The following CSMD3 variants were observed in gnomAD, a reference collection of about 807,000 sequenced individuals.
CSMD3 encodes the protein CUB and sushi domain-containing protein 3.
Under a neutral mutation model 435.2 loss-of-function variants are expected in CSMD3, and 177 were observed. The observed-to-expected ratio is 0.41, with a 90% CI of 0.36 to 0.46. The LOEUF (loss-of-function observed/expected upper bound fraction) is 0.46. Ranked by LOEUF, CSMD3 falls within the 20% of genes least tolerant of loss-of-function variation. The pLI is 0.34. For synonymous variants in CSMD3, 1,656 were observed against 1,520.5 expected (o/e 1.09, Z -2.07); for missense variants, 4,265 against 4,504.6 (o/e 0.95, Z 1.52).
At chr8:113,394,159 T>TACAC (rs3080772) in intron 1 of CSMD3, among the ~76,000 whole-genome samples, 45,129 of 136,708 alleles carry the variant, frequency 0.33, 6,996 homozygotes, top group East Asian at 0.4. Context: ...TTTGTTGAAT[T>TACAC]ACACACACAC....
At chr8:112,256,085 A>C (rs967998238) in intron 61 of CSMD3, among the ~76,000 whole-genome samples, 1 of 152,164 alleles carries the variant, frequency 6.6e-6, no homozygotes, top group Admixed American at 6.6e-5. Flanking sequence ...CTTTCTAAAA[A>C]TTTTGATTAG....
intron 3 of CSMD3, among the ~76,000 whole-genome samples, chr8:113,235,412 G>A (rs1396748040): frequency 6.6e-6 from 1 of 152,066 alleles, no homozygotes; most frequent in Non-Finnish European, 1.5e-5. Flanking sequence ...CATAGTCATA[G>A]CCAGACCTTT....
At chr8:112,941,578 T>C (rs1023694240) in intron 9 of CSMD3, among the ~76,000 whole-genome samples, 4 of 151,768 alleles carry the variant, frequency 2.6e-5, no homozygotes, top group African/African-American at 9.7e-5. Context: ...GAAATATCTC[T>C]TTTATCCCTA....
At chr8:113,372,891 G>T (rs113251873) in intron 1 of CSMD3, among the ~76,000 whole-genome samples, 14,748 of 146,578 alleles carry the variant, frequency 0.1, 847 homozygotes, top group Middle Eastern at 0.18. Context: ...CCGAGATTGC[G>T]CCACTGCAGT....
rs1203991072 is a variant in CSMD3, at chr8:112,794,285, C to CTTTTTTT, written c.1972+5870_1972+5876dup. On this transcript the variant is annotated intron_variant, in intron 13 of 70. Coordinates refer to ENST00000297405, the MANE Select transcript of CSMD3 (RefSeq NM_198123.2). ...TTGCCCCAGATGCTGGACTGATAAA[C>CTTTTTTT]TTTTTTTTTTTTTTTTTTTTTTTTT... Among the ~76,000 whole-genome samples the CTTTTTTT allele has an allele frequency of 1.5e-4, 14 of 96,344 alleles. 3 individuals are homozygous for CTTTTTTT. The highest frequency in any genetic ancestry group is 3.9e-4 in the East Asian group (1 of 2,564). 63.2% of individuals were successfully genotyped at this position (96,344 alleles called of 152,430 possible).
Position 112,954,748 on chromosome 8 carries a change from T to C in CSMD3, c.1356A>G (p.Ile452Met). 5 of 1,579,148 alleles carry C rather than the reference T, an allele frequency of 3.2e-6. No homozygotes were observed. The highest frequency in any genetic ancestry group is 4.3e-6 in the Non-Finnish European group (5 of 1,150,144). Residue 452 changes from isoleucine to methionine, a missense_variant, in exon 8 of 71, where the codon ATA (isoleucine) becomes ATG (methionine). Physicochemically the swap from Ile to Met is conservative, Grantham distance 10. Coordinates refer to ENST00000297405, the MANE Select transcript of CSMD3 (RefSeq NM_198123.2). ...ATTTAAATCCTCTAGATTTAAAATC[T>C]ATGGCCTTTTTCACTAGTTAAGAAA... Reference protein sequence around the residue: ...AVVTHRVKKAIDFKSRGFKLF... With the variant: ...AVVTHRVKKAMDFKSRGFKLF...
chr8:112,400,472 T>G (rs1831226722), intron 35 of CSMD3, among the ~76,000 whole-genome samples: 1 of 152,140 alleles, frequency 6.6e-6, no homozygotes, highest in Non-Finnish European at 1.5e-5. Context: ...CTGTTCTTTA[T>G]CTAAAGACTC....
chr8:113,419,195 T>C (rs1400525708), intron 1 of CSMD3, among the ~76,000 whole-genome samples: 9 of 151,080 alleles, frequency 6.0e-5, no homozygotes, highest in Non-Finnish European at 1.3e-4. Flanking sequence ...CTTGGCTCAC[T>C]GCAAACTCCG....
chr8:112,864,092 C>T (rs540489310), intron 10 of CSMD3, among the ~76,000 whole-genome samples: 2 of 152,226 alleles, frequency 1.3e-5, no homozygotes, highest in East Asian at 3.9e-4. Flanking sequence ...TCATTATTTA[C>T]ATGCAATATA....
At chr8:112,412,857 A>G (rs182995514) in intron 32 of CSMD3, among the ~76,000 whole-genome samples, 2 of 152,240 alleles carry the variant, frequency 1.3e-5, no homozygotes, top group African/African-American at 4.8e-5. Flanking sequence ...TATTAATTAT[A>G]TTTCTGTTTA....
intron 7 of CSMD3, among the ~76,000 whole-genome samples, chr8:112,967,956 T>C (rs2084486586): frequency 6.6e-6 from 1 of 151,248 alleles, no homozygotes; most frequent in South Asian, 2.1e-4. Flanking sequence ...AAATACATAG[T>C]AGAATGTGGT....
intron 27 of CSMD3, among the ~76,000 whole-genome samples, chr8:112,527,774 T>A (rs901683110): frequency 1.3e-5 from 2 of 152,134 alleles, no homozygotes; most frequent in African/African-American, 4.8e-5. Context: ...AAAGACTTTA[T>A]TTTGACTTCA....
At chr8:112,999,681 G>A (rs997875063) in intron 6 of CSMD3, among the ~76,000 whole-genome samples, 2 of 151,478 alleles carry the variant, frequency 1.3e-5, no homozygotes, top group South Asian at 4.2e-4. Flanking sequence ...AGAAGGTGAT[G>A]GCAGGAAACT....
At chr8:112,817,997 A>G (rs2079424154) in intron 12 of CSMD3, among the ~76,000 whole-genome samples, 1 of 151,956 alleles carries the variant, frequency 6.6e-6, no homozygotes, top group Admixed American at 6.6e-5. Context: ...ACTTCATAAA[A>G]AAAGAAATTT....
chr8:112,344,501 A>C (rs1825477539), intron 41 of CSMD3, among the ~76,000 whole-genome samples: 1 of 152,154 alleles, frequency 6.6e-6, no homozygotes, highest in African/African-American at 2.4e-5. Context: ...TTATACTCTG[A>C]GGTTGTAGAT....
At chr8:112,829,942 G>A (rs1283688069) in intron 11 of CSMD3, among the ~76,000 whole-genome samples, 153 bp from the exon 12 acceptor site, 4 of 149,264 alleles carry the variant, frequency 2.7e-5, no homozygotes, top group Admixed American at 1.3e-4. Context: ...GTTCAATTAT[G>A]TATAAATATA....
At chr8:112,321,532 G>T (rs1822996730) in intron 45 of CSMD3, among the ~76,000 whole-genome samples, 1 of 152,110 alleles carries the variant, frequency 6.6e-6, no homozygotes, top group Non-Finnish European at 1.5e-5. Context: ...CTTGTGCAAA[G>T]CATAAAATCA....
At chr8:112,631,782 G>A (rs998357794) in intron 22 of CSMD3, among the ~76,000 whole-genome samples, 2 of 151,818 alleles carry the variant, frequency 1.3e-5, no homozygotes, top group Admixed American at 1.3e-4. Context: ...ACTCACTAGA[G>A]CACTTTTCTT....
intron 1 of CSMD3, among the ~76,000 whole-genome samples, chr8:113,362,110 T>C (rs1563745956): frequency 6.6e-6 from 1 of 152,190 alleles, no homozygotes; most frequent in Non-Finnish European, 1.5e-5. Context: ...TTATTTGAAG[T>C]TGAACTTGCA....
Sources: allele counts gnomAD v4.1 joint callset (sites outside exome capture counted in the v4.1 genomes callset), GRCh38; gene constraint gnomAD v4.1.1; transcripts MANE v1.5; gene names NCBI Gene and HGNC (gene_info 2026-07-23, HGNC 2026-07-21).